Variants in SYCP1 observed in about 807,000 individuals in gnomAD.
SYCP1 encodes cancer/testis antigen 8.
In SYCP1, 64 loss-of-function variants were observed where a neutral mutation model predicts 153.1. The ratio of observed to expected loss-of-function variants is 0.42; its 90% confidence interval spans 0.34 to 0.51. The LOEUF is 0.51. Among genes scored for constraint, SYCP1 ranks in the 20% least tolerant of loss-of-function variants. SYCP1 has a pLI of 0.06. For missense variants in SYCP1, 997 were observed against 1,049.0 expected, an observed-to-expected ratio of 0.95 and a Z score of 0.68; for synonymous variants, 384 against 341.8, an observed-to-expected ratio of 1.12 and a Z score of -1.36.
intron 21 of SYCP1, among the ~76,000 whole-genome samples, chr1:114,924,354 G>T (rs1570781290): frequency 6.6e-6 from 1 of 152,124 alleles, no homozygotes; most frequent in Non-Finnish European, 1.5e-5. Context: ...GCTGCATGTC[G>T]ACTCATAGAG....
Position 114,913,117 on chromosome 1 carries a change from C to T in SYCP1, c.1614C>T (p.Thr538=), listed in dbSNP as rs925545700. The change falls in exon 19 of 32, where the codon ACC becomes ACT. Residue 538 remains threonine, a synonymous_variant. Coordinates refer to ENST00000369522, the MANE Select transcript of SYCP1 (RefSeq NM_003176.4). The part of the protein sequence containing the change: ...KELTQETSDM[T]LELKNQQEDI... ...TCACACAGGAAACAAGTGATATGAC[C>T]CTAGAACTCAAGAATCAGCAAGAAG... The T allele has an allele frequency of 6.2e-7, 1 of 1,611,498 alleles. No individual in the cohort carries two copies. The highest frequency in any genetic ancestry group is 1.3e-5 in the African/African-American group (1 of 74,824).
chr1:114,959,257 T>A (rs762787129), intron 27 of SYCP1, among the ~76,000 whole-genome samples: 2 of 152,218 alleles, frequency 1.3e-5, no homozygotes, highest in Non-Finnish European at 1.5e-5. Flanking sequence ...TAATATTATG[T>A]ATTACAGTAA....
intron 23 of SYCP1, among the ~76,000 whole-genome samples, chr1:114,929,523 A>G (rs1289219324): frequency 6.6e-6 from 1 of 152,108 alleles, no homozygotes; most frequent in Middle Eastern, 3.2e-3. Context: ...AAATACTATC[A>G]TGCCAATAGT....
chr1:114,952,651 G>A (rs1413253769), intron 27 of SYCP1, among the ~76,000 whole-genome samples: 1 of 152,144 alleles, frequency 6.6e-6, no homozygotes, highest in Non-Finnish European at 1.5e-5. Flanking sequence ...TCACTGTCAC[G>A]AGAACAGCAG....
At chr1:114,887,515 G>A in intron 14 of SYCP1, 111 bp from the exon 15 acceptor site, 1 of 555,504 alleles carries the variant, frequency 1.8e-6, no homozygotes. Flanking sequence ...TAACAATCCA[G>A]TGGGTGAATC....
chr1:114,986,369 A>C (rs1489764049), intron 30 of SYCP1, among the ~76,000 whole-genome samples: 3 of 152,042 alleles, frequency 2.0e-5, no homozygotes, highest in African/African-American at 4.8e-5. Context: ...AATGAGCTTT[A>C]GAATTAAACA....
chr1:114,867,899 T>C (rs1664871277), intron 8 of SYCP1, among the ~76,000 whole-genome samples: 1 of 152,110 alleles, frequency 6.6e-6, no homozygotes, highest in Admixed American at 6.5e-5. Flanking sequence ...TAGGTTTCTG[T>C]AGATATTCTT....
intron 15 of SYCP1, among the ~76,000 whole-genome samples, chr1:114,888,112 T>G (rs979821357): frequency 2.0e-5 from 3 of 152,138 alleles, no homozygotes; most frequent in African/African-American, 7.2e-5. Flanking sequence ...TCCTATTTTA[T>G]CATAAGGTGT....
intron 20 of SYCP1, among the ~76,000 whole-genome samples, chr1:114,917,031 A>G (rs1256496756): frequency 2.0e-5 from 3 of 152,100 alleles, no homozygotes; most frequent in Non-Finnish European, 4.4e-5. Context: ...TTTTAAAAAA[A>G]GTACATGTAA....
intron 23 of SYCP1, among the ~76,000 whole-genome samples, chr1:114,939,535 C>T (rs1203130518): frequency 6.6e-6 from 1 of 152,078 alleles, no homozygotes; most frequent in Admixed American, 6.6e-5. Context: ...AACCTATATA[C>T]AAGAGAGTAT....
intron 16 of SYCP1, among the ~76,000 whole-genome samples, chr1:114,898,140 T>C (rs1667182728): frequency 6.6e-6 from 1 of 152,184 alleles, no homozygotes. Flanking sequence ...TTTTCTTTCC[T>C]AGTGCTTTGA....
At chr1:114,970,009 G>T (rs1442302063) in intron 27 of SYCP1, among the ~76,000 whole-genome samples, 2 of 152,112 alleles carry the variant, frequency 1.3e-5, no homozygotes, top group Admixed American at 6.6e-5. Context: ...GATGAACTGG[G>T]TATCTCAGTT....
At chr1:114,969,738 C>T (rs1382595417) in intron 27 of SYCP1, among the ~76,000 whole-genome samples, 2 of 152,184 alleles carry the variant, frequency 1.3e-5, no homozygotes, top group Admixed American at 1.3e-4. Context: ...CAAACACCCA[C>T]CCAGTTTTGT....
At chr1:114,863,913 G>A (rs527540311) in intron 8 of SYCP1, among the ~76,000 whole-genome samples, 1 of 144,464 alleles carries the variant, frequency 6.9e-6, no homozygotes, top group East Asian at 2.3e-4. Flanking sequence ...ATAAGTGGGA[G>A]TTGAACAATG....
intron 8 of SYCP1, among the ~76,000 whole-genome samples, chr1:114,864,501 T>TG (rs1026586698): frequency 6.6e-6 from 1 of 151,930 alleles, no homozygotes; most frequent in African/African-American, 2.4e-5. Context: ...CTTTTTTTGA[T>TG]GGGGGGTGGG....
At chr1:114,871,162 CTTTTTTTTTTCT>C (rs747985423) in intron 8 of SYCP1, among the ~76,000 whole-genome samples, 5 of 147,166 alleles carry the variant, frequency 3.4e-5, no homozygotes, top group Admixed American at 1.4e-4. Flanking sequence ...TTCCTCCCAT[CTTTTTTTTTTCT>C]TTTTTTTTTT....
chr1:114,921,853 T>C (rs896282569), intron 20 of SYCP1, among the ~76,000 whole-genome samples: 2 of 152,180 alleles, frequency 1.3e-5, no homozygotes, highest in African/African-American at 4.8e-5. Flanking sequence ...TCTTAGCTTA[T>C]GTTTGTCTGA....
In SYCP1 at chr1:114,947,331, T is replaced by C. The variant is rs1216704702; in HGVS notation, c.2322+11T>C. 1.9e-6 allele frequency: 3 copies of C among 1,606,382 alleles called. No homozygotes were observed. The African/African-American group carries it at 4.0e-5, about 22-fold the overall frequency. On this transcript the variant is annotated intron_variant, in intron 27 of 31. Transcript: ENST00000369522. ...GAAAGAGAAGAGAAGGTAGGTTTTT[T>C]GGCATTATAGATAAAATGATTACAA...
chr1:114,890,596 T>C (rs1666639936), intron 15 of SYCP1, among the ~76,000 whole-genome samples: 1 of 152,086 alleles, frequency 6.6e-6, no homozygotes, highest in South Asian at 2.1e-4. Flanking sequence ...AAAAGTAGAC[T>C]TTAAGGCTTT....
Sources: gnomAD v4.1 joint callset for allele counts (sites outside exome capture counted in the v4.1 genomes callset) on GRCh38, gnomAD v4.1.1 for gene constraint, MANE v1.5 for transcripts, NCBI Gene and HGNC (gene_info 2026-07-23, HGNC 2026-07-21) for gene names.